ZNF43: variants seen among roughly 807,000 people sequenced by gnomAD.
ZNF43 encodes the protein zinc finger protein 43.
ZNF43 carries 44 observed loss-of-function variants against 68.4 expected under a neutral mutation model. The observed-to-expected ratio is 0.64, with a 90% CI of 0.51 to 0.83. ZNF43 has a LOEUF of 0.83. Ranked by LOEUF, ZNF43 falls within the 40% of genes least tolerant of loss-of-function variation. The pLI is 0.00. For missense variants in ZNF43, 896 were observed against 933.2 expected (o/e 0.96, Z 0.52); for synonymous variants, 308 against 307.8 (o/e 1.00, Z -0.01).
intron 1 of ZNF43, among the ~76,000 whole-genome samples, chr19:21,825,862 C>A (rs2038096850): frequency 6.6e-6 from 1 of 152,104 alleles, no homozygotes; most frequent in African/African-American, 2.4e-5. Flanking sequence ...ACCAATCCAG[C>A]CAATATGGTG....
intron 1 of ZNF43, chr19:21,827,199 T>C (rs1281180148): frequency 1.3e-5 from 2 of 152,180 alleles, no homozygotes; most frequent in African/African-American, 2.4e-5. Flanking sequence ...TTCTCTTCCA[T>C]GTCTGCTGCT....
intron 1 of ZNF43, among the ~76,000 whole-genome samples, chr19:21,821,981 C>T (rs2037865301): frequency 6.6e-6 from 1 of 152,214 alleles, no homozygotes. Flanking sequence ...ACAAATTACA[C>T]CTGCATCTTG....
rs539440269 is a variant in ZNF43 at position 21,851,789 on chromosome 19, G to C, written c.30+116C>G. 55 of 1,158,620 alleles carry C rather than the reference G, an allele frequency of 4.7e-5. No homozygotes were observed. The African/African-American group carries it at 8.5e-4, about 18-fold the overall frequency. The allele number at this position is 1,158,620 out of a possible 1,614,324, so 71.8% of individuals were successfully genotyped here. A position where few individuals can be genotyped will look rare whatever the true frequency, so the allele number is the denominator to read the frequency against. ...CAGCCGCCATCTTGCGGCCAGAGGG[G>C]CCTGGGGCGGAGCTGCGCCAGCGAC... On this transcript the variant is annotated intron_variant, in intron 1 of 3. Transcript: ENST00000357491.
chr19:21,817,428 AAGGCTACAG>A (rs2037583788), intron 3 of ZNF43, among the ~76,000 whole-genome samples: 1 of 152,232 alleles, frequency 6.6e-6, no homozygotes, highest in Non-Finnish European at 1.5e-5. Flanking sequence ...ATATTATTTA[AAGGCTACAG>A]TAATAAAAAC....
intron 3 of ZNF43, among the ~76,000 whole-genome samples, chr19:21,815,509 T>TATATATATATATATATA (rs1568355560): frequency 7.7e-6 from 1 of 129,562 alleles, no homozygotes; most frequent in African/African-American, 3.2e-5. Context: ...ATATATATAT[T>TATATATATATATATATA]TTGCAGAATA....
At chr19:21,852,049 T>C (rs1968413708) in exon 1 of ZNF43, 2 of 1,177,504 alleles carry the variant, frequency 1.7e-6, no homozygotes, top group Non-Finnish European at 2.3e-6. Context: ...TCCCAAGGTC[T>C]AGCGGGAGCT....
In ZNF43 at chr19:21,806,102, A is replaced by G. The variant is rs2036926494; in HGVS notation, c.*1505T>C. 6.6e-6 allele frequency: 1 copy of G among 151,864 alleles called. No homozygotes were observed. The highest frequency in any genetic ancestry group is 1.5e-5 in the Non-Finnish European group (1 of 68,006). 9.4% of individuals were successfully genotyped at this position (151,864 alleles called of 1,614,324 possible). A position where few individuals can be genotyped will look rare whatever the true frequency, so the allele number is the denominator to read the frequency against. ...CAGAAGAATATTACTCTGAAAACCT[A>G]TCTCCTGCATCACTCCTTTATAAGT... On this transcript the variant is annotated 3_prime_UTR_variant, in exon 4 of 4. Coordinates refer to ENST00000354959, the MANE Select transcript of ZNF43 (RefSeq NM_003423.4).
At chr19:21,811,525 A>C (rs2037268817) in intron 3 of ZNF43, among the ~76,000 whole-genome samples, 1 of 150,158 alleles carries the variant, frequency 6.7e-6, no homozygotes, top group South Asian at 2.1e-4. Context: ...ACAGAGCGAG[A>C]CTCTGTCTCT....
At chr19:21,830,677 G>A (rs1469597080) in intron 1 of ZNF43, among the ~76,000 whole-genome samples, 1 of 144,702 alleles carries the variant, frequency 6.9e-6, no homozygotes, top group Non-Finnish European at 1.5e-5. Flanking sequence ...TCTACCAGAT[G>A]TACAAAAAAA....
At chr19:21,838,744 T>C (rs1293409575), upstream of ZNF43, 3 of 152,116 alleles carry the variant, frequency 2.0e-5, no homozygotes, top group Non-Finnish European at 4.4e-5. Flanking sequence ...TCTAGACTTT[T>C]TTCATAATTT....
At chr19:21,812,135 C>CTT in intron 3 of ZNF43, 1 of 375,802 alleles carries the variant, frequency 2.7e-6, no homozygotes, top group Non-Finnish European at 4.7e-6. Context: ...CTTTTTTTTT[C>CTT]TTTTTTTTTG....
intron 1 of ZNF43, among the ~76,000 whole-genome samples, chr19:21,831,281 T>G (rs956240458): frequency 3.9e-5 from 6 of 152,156 alleles, no homozygotes; most frequent in Non-Finnish European, 5.9e-5. Context: ...AGAAAGAAAG[T>G]CAGACTACTC....
At chr19:21,813,381 T>A (rs2037374626) in intron 3 of ZNF43, among the ~76,000 whole-genome samples, 1 of 152,224 alleles carries the variant, frequency 6.6e-6, no homozygotes, top group South Asian at 2.1e-4. Context: ...ATATTTTTTG[T>A]ATCAGTATGC....
intron 1 of ZNF43, among the ~76,000 whole-genome samples, chr19:21,845,804 A>G (rs1967906791): frequency 6.6e-6 from 1 of 151,630 alleles, no homozygotes; most frequent in South Asian, 2.1e-4. Context: ...GAGGCAGGAG[A>G]GTCGCTTGAA....
At chr19:21,836,642 G>T (rs10407896), upstream of ZNF43, among the ~76,000 whole-genome samples, 70,845 of 152,046 alleles carry the variant, frequency 0.47, 18,910 homozygotes, top group African/African-American at 0.75. Flanking sequence ...TGGAGTGCAG[G>T]GTCATGACTG....
At chr19:21,838,436 A>G (rs146990909), upstream of ZNF43, among the ~76,000 whole-genome samples, 653 of 145,620 alleles carry the variant, frequency 4.5e-3, 3 homozygotes, top group African/African-American at 0.016. Flanking sequence ...GTCTCGCTCT[A>G]TTACCCAGGC....
chr19:21,836,146 G>A lies in ZNF43; in HGVS notation c.-108C>T, dbSNP rs534873060. The A allele has an allele frequency of 8.3e-5, 132 of 1,584,330 alleles. No homozygotes were observed. Among genetic ancestry groups the A allele is most frequent in the Non-Finnish European group, 2.1e-5 (24 of 1,164,628 alleles). ...CTAGCAGCAGAGGACACAGAAGAACGAAGACGAGACGCAGAGCTCCAACTG... is the reference window on the plus strand; with the variant it reads ...CTAGCAGCAGAGGACACAGAAGAACAAAGACGAGACGCAGAGCTCCAACTG... On this transcript the variant is annotated 5_prime_UTR_variant, in exon 1 of 4. Transcript: ENST00000354959.
At chr19:21,837,415 CTTTTTTTTTTTTTT>C (rs539940868), upstream of ZNF43, among the ~76,000 whole-genome samples, 3 of 83,958 alleles carry the variant, frequency 3.6e-5, no homozygotes, top group East Asian at 3.0e-4. Context: ...CCTACACTTA[CTTTTTTTTTTTTTT>C]TTTTTTTTTT....
At chr19:21,829,203 GAC>G (rs1386239853) in intron 1 of ZNF43, among the ~76,000 whole-genome samples, 1 of 151,686 alleles carries the variant, frequency 6.6e-6, no homozygotes, top group African/African-American at 2.4e-5. Context: ...GAGCCTGGGT[GAC>G]AGAGTGAGAC....
Sources: gnomAD v4.1 joint callset for allele counts (sites outside exome capture counted in the v4.1 genomes callset) on GRCh38, gnomAD v4.1.1 for gene constraint, MANE v1.5 for transcripts, NCBI Gene and HGNC (gene_info 2026-07-23, HGNC 2026-07-21) for gene names.